CCDC178: variants seen among roughly 807,000 people sequenced by gnomAD.
The protein encoded by CCDC178 is coiled-coil domain-containing protein 178.
A neutral mutation model predicts 117.4 loss-of-function variants in CCDC178; 126 were observed. The observed-to-expected ratio is 1.07, with a 90% CI of 0.93 to 1.24. The LOEUF (loss-of-function observed/expected upper bound fraction) is 1.24. Ranked by LOEUF, CCDC178 falls within the 50% of genes most tolerant of loss-of-function variation. CCDC178 has a pLI of 0.00. For synonymous variants in CCDC178, 283 were observed against 313.4 expected (o/e 0.90, Z 1.02); for missense variants, 1,030 against 986.9 (o/e 1.04, Z -0.59).
intron 20 of CCDC178, among the ~76,000 whole-genome samples, chr18:33,206,767 C>CT (rs2059049426): frequency 1.3e-5 from 2 of 152,154 alleles, no homozygotes; most frequent in Admixed American, 1.3e-4. Context: ...CCATACACTT[C>CT]TTGTAACAGC....
At chr18:33,105,402 T>A (rs1041742776) in intron 20 of CCDC178, among the ~76,000 whole-genome samples, 3 of 151,692 alleles carry the variant, frequency 2.0e-5, no homozygotes, top group Non-Finnish European at 4.4e-5. Context: ...TCAGTAAACA[T>A]TACTGAACAA....
At chr18:33,395,709 T>C (rs1319149287) in intron 4 of CCDC178, among the ~76,000 whole-genome samples, 2 of 152,078 alleles carry the variant, frequency 1.3e-5, no homozygotes, top group Admixed American at 6.6e-5. Context: ...GAAGAAGTCA[T>C]CTGTATTTTA....
chr18:33,076,874 T>G (rs2057217452), intron 21 of CCDC178, among the ~76,000 whole-genome samples: 1 of 152,188 alleles, frequency 6.6e-6, no homozygotes. Context: ...TTCATCTTTG[T>G]GTCTGTAGCA....
rs371990961 is a variant in CCDC178, at chr18:33,278,457, C to A, written c.1177-11160G>T. On this transcript the variant is annotated intron_variant, in intron 12 of 22. Coordinates refer to ENST00000383096, the MANE Select transcript of CCDC178 (RefSeq NM_001105528.4). ...TTGTTTAAGGAGCCTATAGAGCCAC[C>A]CTTCTAAAAGTAACTTCAATTAAAA... Among the ~76,000 whole-genome samples, 18 of 151,636 alleles carry A rather than the reference C, an allele frequency of 1.2e-4. No individual in the cohort carries two copies. In the East Asian group the frequency reaches 3.5e-3, roughly 29 times the overall value.
chr18:33,180,697 G>A (rs542127769), intron 20 of CCDC178, among the ~76,000 whole-genome samples: 1 of 152,056 alleles, frequency 6.6e-6, no homozygotes, highest in East Asian at 1.9e-4. Context: ...AAGAACATAT[G>A]CCATCACAAA....
At position 32,967,505 on chromosome 18, in the gene CCDC178, T is replaced by A. The variant is rs193266118; in HGVS notation, c.2523+7042A>T. Among the ~76,000 whole-genome samples the A allele has an allele frequency of 4.5e-3, 683 of 151,674 alleles. 7 individuals carry two copies. Among genetic ancestry groups the A allele is most frequent in the African/African-American group, 0.016 (658 of 41,478 alleles). On this transcript the variant is annotated intron_variant, in intron 22 of 22. Transcript: ENST00000383096. ...AATTGAAATTCTTTATTCTTTTTTTTTTCCAGGATCTTCATTCAGTTTCTA... is the reference window on the plus strand; with the variant it reads ...AATTGAAATTCTTTATTCTTTTTTTATTCCAGGATCTTCATTCAGTTTCTA...
intron 11 of CCDC178, among the ~76,000 whole-genome samples, chr18:33,314,338 A>T (rs534783409): frequency 6.6e-6 from 1 of 151,994 alleles, no homozygotes; most frequent in African/African-American, 2.4e-5. Flanking sequence ...TAAAAATTCA[A>T]TGGTGCCTAC....
intron 2 of CCDC178, among the ~76,000 whole-genome samples, chr18:33,431,074 C>CAAAA (rs368036930): frequency 1.5e-5 from 1 of 66,404 alleles, no homozygotes; most frequent in Non-Finnish European, 3.0e-5. Flanking sequence ...GACTACGTCT[C>CAAAA]AAAAAAAAAA....
intron 21 of CCDC178, among the ~76,000 whole-genome samples, chr18:33,062,439 G>A (rs1598841919): frequency 6.6e-6 from 1 of 152,194 alleles, no homozygotes. Flanking sequence ...TTGTAAGAGA[G>A]ACAGACACTA....
At chr18:33,238,942 C>T (rs1339097796) in intron 15 of CCDC178, among the ~76,000 whole-genome samples, 2 of 152,044 alleles carry the variant, frequency 1.3e-5, no homozygotes, top group South Asian at 2.1e-4. Context: ...CAGGAGAAAT[C>T]TTTCAAATCA....
chr18:33,279,630 A>G (rs906903601), intron 12 of CCDC178, among the ~76,000 whole-genome samples: 1 of 152,308 alleles, frequency 6.6e-6, no homozygotes, highest in South Asian at 2.1e-4. Flanking sequence ...ACCAAAAAAG[A>G]GCCCACATTG....
At chr18:33,362,039 A>G (rs2063135589) in intron 6 of CCDC178, among the ~76,000 whole-genome samples, 1 of 151,930 alleles carries the variant, frequency 6.6e-6, no homozygotes, top group East Asian at 1.9e-4. Flanking sequence ...TAGCCAAGAT[A>G]TGGAAACAAC....
intron 21 of CCDC178, among the ~76,000 whole-genome samples, chr18:33,062,542 A>C (rs755398049): frequency 2.6e-5 from 4 of 152,214 alleles, no homozygotes; most frequent in Non-Finnish European, 4.4e-5. Context: ...CAGAGCCAGG[A>C]GGAAGCACTA....
chr18:33,168,419 C>A (rs987829805), intron 20 of CCDC178, among the ~76,000 whole-genome samples: 1 of 152,078 alleles, frequency 6.6e-6, no homozygotes, highest in African/African-American at 2.4e-5. Context: ...TTTCTGGGCT[C>A]TCTATTCTGT....
At chr18:33,395,419 AG>A (rs1209138799) in intron 4 of CCDC178, among the ~76,000 whole-genome samples, 2 of 151,970 alleles carry the variant, frequency 1.3e-5, no homozygotes, top group African/African-American at 4.8e-5. Flanking sequence ...CTCGGAGCAA[AG>A]GTTAACCAGA....
In CCDC178 at chr18:32,937,884, G is replaced by A. The variant is rs760093802; in HGVS notation, c.*127C>T. ...AAAGAGTGGCAAAGCATGCTGGGAG[G>A]TGAGTGAGTTTTTCGTTCATGGAAG... On this transcript the variant is annotated 3_prime_UTR_variant, in exon 23 of 23. Coordinates refer to ENST00000383096, the MANE Select transcript of CCDC178 (RefSeq NM_001105528.4). 2 of 684,702 alleles carry A rather than the reference G, an allele frequency of 2.9e-6. No homozygotes were observed. The highest frequency in any genetic ancestry group is 2.6e-6 in the Non-Finnish European group (1 of 381,424). The allele number at this position is 684,702 out of a possible 1,614,324, so 42.4% of individuals were successfully genotyped here.
chr18:33,157,558 A>G (rs1431099045), intron 20 of CCDC178, among the ~76,000 whole-genome samples: 1 of 152,170 alleles, frequency 6.6e-6, no homozygotes, highest in Non-Finnish European at 1.5e-5. Context: ...TTTCTCTTTT[A>G]TAAAAAACAA....
chr18:33,221,494 C>A (rs1451371679), intron 18 of CCDC178, among the ~76,000 whole-genome samples: 1 of 151,884 alleles, frequency 6.6e-6, no homozygotes, highest in Admixed American at 6.6e-5. Context: ...GAATACTGGG[C>A]GGAAAGGCAA....
At chr18:32,967,170 C>A (rs949610803) in intron 22 of CCDC178, among the ~76,000 whole-genome samples, 13 of 151,592 alleles carry the variant, frequency 8.6e-5, no homozygotes, top group Non-Finnish European at 1.8e-4. Flanking sequence ...TATTAAATTA[C>A]ATTAACATAT....
Sources: gnomAD v4.1 joint callset for allele counts (sites outside exome capture counted in the v4.1 genomes callset) on GRCh38, gnomAD v4.1.1 for gene constraint, MANE v1.5 for transcripts, NCBI Gene and HGNC (gene_info 2026-07-23, HGNC 2026-07-21) for gene names.